The following LGALS9 variants were observed in gnomAD, a reference collection of about 807,000 sequenced individuals.
LGALS9 encodes galectin 9.
A neutral mutation model predicts 35.9 loss-of-function variants in LGALS9; 26 were observed. The observed-to-expected ratio is 0.72, with a 90% CI of 0.53 to 1.01. The LOEUF (loss-of-function observed/expected upper bound fraction) is 1.01, where lower values mean the gene tolerates loss of function less well. LGALS9 is among the 50% of genes least tolerant of loss of function. The pLI, the probability that LGALS9 is intolerant of heterozygous loss-of-function variation, is 0.00. For missense variants in LGALS9, 347 were observed against 445.8 expected (o/e 0.78, Z 1.99); for synonymous variants, 149 against 172.2 (o/e 0.87, Z 1.06).
intron 1 of LGALS9, among the ~76,000 whole-genome samples, chr17:27,635,809 C>T (rs1355746815): frequency 6.6e-6 from 1 of 152,156 alleles, no homozygotes; most frequent in Non-Finnish European, 1.5e-5. Context: ...CACAGGCTTC[C>T]ACAAACAGGC....
chr17:27,646,593 G>A lies in LGALS9; in HGVS notation c.669+5G>A. On this transcript the variant is annotated splice_donor_5th_base_variant and intron_variant, in intron 8 of 10. Transcript: ENST00000395473. ...ATGTACCCCCACCCCGCCTATGTAA[G>A]TGGTTTCTCAGGGAGGGCAGAGGTT... 1 of 1,612,776 alleles carries A rather than the reference G, an allele frequency of 6.2e-7. No homozygotes were observed.
At chr17:27,633,207 C>G (rs187946815) in intron 1 of LGALS9, among the ~76,000 whole-genome samples, 1 of 152,236 alleles carries the variant, frequency 6.6e-6, no homozygotes, top group African/African-American at 2.4e-5. Flanking sequence ...AGTGACTGAA[C>G]TTTTCTGTGC....
intron 9 of LGALS9, 54 bp from the exon 10 acceptor site, chr17:27,647,216 G>A: frequency 1.2e-6 from 2 of 1,613,574 alleles, no homozygotes; most frequent in Non-Finnish European, 1.7e-6. Context: ...TGATGGGGAG[G>A]AAATGGGACT....
intron 2 of LGALS9, among the ~76,000 whole-genome samples, chr17:27,639,610 C>T (rs535414922): frequency 6.6e-6 from 1 of 152,004 alleles, no homozygotes; most frequent in African/African-American, 2.4e-5. Context: ...CTTTCTTTCA[C>T]CCAGCCTGGA....
At chr17:27,645,278 C>T (rs370884059) in intron 5 of LGALS9, 36 bp from the exon 6 acceptor site, 108 of 1,613,696 alleles carry the variant, frequency 6.7e-5, no homozygotes, top group Non-Finnish European at 7.7e-5. Context: ...GTGGTGCCCG[C>T]GATAACCACC....
chr17:27,638,930 C>T (rs1434204515), intron 2 of LGALS9, among the ~76,000 whole-genome samples: 2 of 152,108 alleles, frequency 1.3e-5, no homozygotes, highest in Non-Finnish European at 2.9e-5. Context: ...GGGCTCTAGA[C>T]CCTCACTCAG....
chr17:27,646,365 A>T (rs1904938919), intron 7 of LGALS9, among the ~76,000 whole-genome samples, 182 bp from the exon 8 acceptor site: 1 of 152,184 alleles, frequency 6.6e-6, no homozygotes, highest in African/African-American at 2.4e-5. Context: ...TGGTCTGGGA[A>T]CACGGCAGGA....
chr17:27,635,217 G>A (rs1454787649), intron 1 of LGALS9, among the ~76,000 whole-genome samples: 3 of 152,116 alleles, frequency 2.0e-5, no homozygotes, highest in East Asian at 1.9e-4. Context: ...TTGGGAGGCC[G>A]AGCCGGAAGG....
At chr17:27,633,440 G>A (rs1049178595) in intron 1 of LGALS9, among the ~76,000 whole-genome samples, 8 of 152,210 alleles carry the variant, frequency 5.3e-5, no homozygotes, top group South Asian at 2.1e-4. Flanking sequence ...CTGAGGCAGC[G>A]GGGCACCTTG....
chr17:27,647,192 A>G (rs535572927), intron 9 of LGALS9, 74 bp downstream of exon 9: 1 of 1,613,766 alleles, frequency 6.2e-7, no homozygotes, highest in Non-Finnish European at 8.5e-7. Context: ...CCCTGGCTTC[A>G]GGAAGGCTAC....
At chr17:27,637,756 G>A (rs576482873) in intron 1 of LGALS9, among the ~76,000 whole-genome samples, 1 of 152,180 alleles carries the variant, frequency 6.6e-6, no homozygotes, top group East Asian at 1.9e-4. Flanking sequence ...TAACCTCCTC[G>A]GGTGAGTCGA....
intron 1 of LGALS9, among the ~76,000 whole-genome samples, chr17:27,636,085 G>C (rs2074447989): frequency 6.6e-6 from 1 of 151,900 alleles, no homozygotes; most frequent in African/African-American, 2.4e-5. Context: ...AACTGAATCA[G>C]ATCCCAGATT....
rs1436352097 is a variant in LGALS9 at position 27,643,543 on chromosome 17, G to A, written c.463G>A (p.Val155Ile). The part of the protein sequence containing the change: ...ISFQNPRTVP[V>I]QPAFSTVPFS... ...TTAACAGAACCCCCGCACAGTCCCTGTTCAGCCTGCCTTCTCCACGGTGCC... is the reference window on the plus strand; with the variant it reads ...TTAACAGAACCCCCGCACAGTCCCTATTCAGCCTGCCTTCTCCACGGTGCC... Residue 155 changes from valine (V) to isoleucine (I), a missense_variant, in exon 5 of 11, where the codon GTT becomes ATT. Transcript: ENST00000395473. 1 of 1,611,914 alleles carries A rather than the reference G, an allele frequency of 6.2e-7. No individual in the cohort carries two copies. The highest frequency in any genetic ancestry group is 1.7e-5 in the Admixed American group (1 of 60,010).
rs148093503 is a variant in LGALS9, at chr17:27,646,769, C to T, written c.669+181C>T. On this transcript the variant is annotated intron_variant, in intron 8 of 10. Coordinates refer to ENST00000395473, the MANE Select transcript of LGALS9 (RefSeq NM_009587.3). ...TGGAGAGGAGCTTTCAACCTTAAAA[C>T]TGTCGTGTCAATATGAGCACATTGC... Among the ~76,000 whole-genome samples the T allele has an allele frequency of 5.3e-3, 815 of 152,372 alleles. 10 individuals are homozygous for T. Among genetic ancestry groups the T allele is most frequent in the Admixed American group, 0.024 (373 of 15,308 alleles).
At position 27,646,539 on chromosome 17, in the gene LGALS9, T is replaced by A; in HGVS notation, c.628-8T>A. On this transcript the variant is annotated splice_region_variant and splice_polypyrimidine_tract_variant and intron_variant, in intron 7 of 10. Transcript: ENST00000395473. ...CTCCCATTGAATTTCCTGGTTTCTT[T>A]TCAACAGACTCCCGCCATCCCACCT... 1 of 1,612,064 alleles carries A rather than the reference T, an allele frequency of 6.2e-7. No individual in the cohort carries two copies. Among genetic ancestry groups the A allele is most frequent in the Non-Finnish European group, 8.5e-7 (1 of 1,179,858 alleles).
chr17:27,649,063 C>G lies in LGALS9; in HGVS notation c.*81C>G. On this transcript the variant is annotated 3_prime_UTR_variant, in exon 11 of 11. Coordinates refer to ENST00000395473, the MANE Select transcript of LGALS9 (RefSeq NM_009587.3). Reference sequence around the variant, plus strand: ...CATCATCCCCACTTCCCAGGCCCAGCCTTTCCAACCCTGCCTGGGATCTGG... The same window carrying G: ...CATCATCCCCACTTCCCAGGCCCAGGCTTTCCAACCCTGCCTGGGATCTGG... 2 of 1,591,968 alleles carry G rather than the reference C, an allele frequency of 1.3e-6. No individual in the cohort carries two copies. Among genetic ancestry groups the G allele is most frequent in the African/African-American group, 1.3e-5 (1 of 74,570 alleles).
chr17:27,637,943 C>T (rs1437915463), intron 1 of LGALS9, among the ~76,000 whole-genome samples: 2 of 152,060 alleles, frequency 1.3e-5, no homozygotes, highest in Admixed American at 1.3e-4. Flanking sequence ...GGAAGGAAGG[C>T]CTTCTGCCTG....
intron 5 of LGALS9, 70 bp downstream of exon 5, chr17:27,643,690 C>G (rs1598186431): frequency 6.6e-7 from 1 of 1,509,462 alleles, no homozygotes; most frequent in Non-Finnish European, 8.8e-7. Context: ...GAGAGGCTGG[C>G]CCCAGCCAGC....
intron 1 of LGALS9, among the ~76,000 whole-genome samples, chr17:27,636,789 T>C (rs2074456891): frequency 6.6e-6 from 1 of 151,942 alleles, no homozygotes; most frequent in East Asian, 1.9e-4. Flanking sequence ...TTTTACATAA[T>C]CCTTTTTGAC....
Sources: gnomAD v4.1 joint callset for allele counts (sites outside exome capture counted in the v4.1 genomes callset) on GRCh38, gnomAD v4.1.1 for gene constraint, MANE v1.5 for transcripts, NCBI Gene and HGNC (gene_info 2026-07-23, HGNC 2026-07-21) for gene names.